The following MTMR12 variants were observed in gnomAD, a reference collection of about 807,000 sequenced individuals.
The protein encoded by MTMR12 is myotubularin-related protein 12.
MTMR12 carries 33 observed loss-of-function variants against 96.7 expected under a neutral mutation model. The ratio of observed to expected loss-of-function variants is 0.34; its 90% confidence interval spans 0.26 to 0.46. The LOEUF (loss-of-function observed/expected upper bound fraction) is 0.46. Ranked by LOEUF, MTMR12 falls within the 20% of genes least tolerant of loss-of-function variation. The pLI is 1.00. For synonymous variants in MTMR12, 298 were observed against 327.2 expected (o/e 0.91, Z 0.96); for missense variants, 721 against 896.1 (o/e 0.80, Z 2.49).
chr5:32,298,878 G>A (rs1751023288), intron 1 of MTMR12, among the ~76,000 whole-genome samples: 2 of 151,310 alleles, frequency 1.3e-5, no homozygotes, highest in South Asian at 2.1e-4. Flanking sequence ...GCACGAACCC[G>A]GGAGGCGGAG....
chr5:32,297,234 T>A (rs1019338012), intron 1 of MTMR12, among the ~76,000 whole-genome samples: 2 of 152,172 alleles, frequency 1.3e-5, no homozygotes, highest in Admixed American at 1.3e-4. Context: ...CCACAATCAA[T>A]TTTAGATCAT....
chr5:32,312,732 GC>G lies in MTMR12; in HGVS notation c.81+25del. The G allele has an allele frequency of 1.3e-6, 2 of 1,487,862 alleles. No homozygotes were observed. Among genetic ancestry groups the G allele is most frequent in the Non-Finnish European group, 1.8e-6 (2 of 1,120,588 alleles). 92.2% of individuals were successfully genotyped at this position (1,487,862 alleles called of 1,614,324 possible). On this transcript the variant is annotated intron_variant, in intron 1 of 15. Coordinates refer to ENST00000382142, the MANE Select transcript of MTMR12 (RefSeq NM_001040446.3). This position sits in a 1 kb window ranked among gnomAD's most constrained non-coding sequence, Gnocchi z 5.0. ...CTCGCCCCGGCCGCCCCTGCCCGAC[GC>G]CCCGCCTGCGCGGCGCCCCCTCACC... is the stretch of plus-strand genomic sequence containing the variant.
In MTMR12 at chr5:32,229,884, C is replaced by A; in HGVS notation, c.2138G>T (p.Arg713Leu). Residue 713 changes from arginine to leucine, a missense_variant, in exon 16 of 16, where the codon CGA (arginine) becomes CTA (leucine). By Grantham distance (102) the Arg-to-Leu change is moderately radical (BLOSUM62 -2). Transcript: ENST00000382142. ...SSLFPFALLQ[R>L]HSSKPVLPTS... The stretch of plus-strand genomic sequence containing the variant: ...GGGTAAGACGGGCTTAGAGGAATGT[C>A]GCTGGAGCAGAGCGAAAGGAAACAA... 1.2e-6 allele frequency: 2 copies of A among 1,612,708 alleles called. No individual in the cohort carries two copies. The highest frequency in any genetic ancestry group is 1.1e-5 in the South Asian group (1 of 90,852).
intron 7 of MTMR12, chr5:32,255,988 G>A: frequency 2.7e-6 from 1 of 367,288 alleles, no homozygotes; most frequent in Non-Finnish European, 5.0e-6. Flanking sequence ...GGCTCTGCCT[G>A]CAATTCTGTA....
At position 32,233,455 on chromosome 5, in the gene MTMR12, AACAC is replaced by A. The variant is rs71598927; in HGVS notation, c.1674+314_1674+317del. Among the ~76,000 whole-genome samples, 6 of 147,858 alleles carry A rather than the reference AACAC, an allele frequency of 4.1e-5. No homozygotes were observed. Among genetic ancestry groups the A allele is most frequent in the Non-Finnish European group, 7.4e-5 (5 of 67,240 alleles). On this transcript the variant is annotated intron_variant, in intron 15 of 15. Coordinates refer to ENST00000382142, the MANE Select transcript of MTMR12 (RefSeq NM_001040446.3). The surrounding 1 kb of genome is among the most constrained non-coding windows in gnomAD (Gnocchi z 5.0). ...CAATCAATGTTCCTTTTACTCTACT[AACAC>A]ACACACACACACAAACACACACACA...
rs986653305 is a variant in MTMR12, at chr5:32,312,252, C to A, written c.81+506G>T. Among the ~76,000 whole-genome samples the A allele has an allele frequency of 1.3e-5, 2 of 152,246 alleles. No homozygotes were observed. Among genetic ancestry groups the A allele is most frequent in the Non-Finnish European group, 2.9e-5 (2 of 68,050 alleles). Reference sequence around the variant, plus strand: ...CCAGGCCGACCCCCTTTTCTCCCCGCAGCGCTGACGGGAGGCGGACGTAGG... The same window carrying A: ...CCAGGCCGACCCCCTTTTCTCCCCGAAGCGCTGACGGGAGGCGGACGTAGG... On this transcript the variant is annotated intron_variant, in intron 1 of 15. Transcript: ENST00000382142. This position sits in a 1 kb window ranked among gnomAD's most constrained non-coding sequence, Gnocchi z 5.0.
chr5:32,270,722 C>T, intron 5 of MTMR12, 95 bp downstream of exon 5: 1 of 1,356,176 alleles, frequency 7.4e-7, no homozygotes, highest in Non-Finnish European at 1.0e-6. Flanking sequence ...AGAGTGAAAG[C>T]CTCCCCTCAA....
intron 6 of MTMR12, among the ~76,000 whole-genome samples, chr5:32,263,681 A>G (rs1581613396): frequency 6.6e-6 from 1 of 152,026 alleles, no homozygotes; most frequent in Non-Finnish European, 1.5e-5. Context: ...CAAGTGATCC[A>G]CCTGCCTCAG....
intron 1 of MTMR12, among the ~76,000 whole-genome samples, chr5:32,309,449 A>G (rs1056195722): frequency 6.6e-6 from 1 of 152,246 alleles, no homozygotes; most frequent in Non-Finnish European, 1.5e-5. Flanking sequence ...ATGAGAGAAA[A>G]TATTTACAAA....
chr5:32,239,389 T>TCTGG (rs1320259685), intron 12 of MTMR12, among the ~76,000 whole-genome samples: 1 of 152,264 alleles, frequency 6.6e-6, no homozygotes, highest in Non-Finnish European at 1.5e-5. Flanking sequence ...TAGTACAGGT[T>TCTGG]CTGGCATACG....
At chr5:32,245,645 T>C (rs952738954) in intron 10 of MTMR12, among the ~76,000 whole-genome samples, 27 of 152,066 alleles carry the variant, frequency 1.8e-4, no homozygotes, top group Non-Finnish European at 2.8e-4. Context: ...CTGGCCAACA[T>C]AGTGAAACCT....
At chr5:32,262,326 C>A (rs1561770254) in intron 7 of MTMR12, among the ~76,000 whole-genome samples, 3 of 152,128 alleles carry the variant, frequency 2.0e-5, no homozygotes, top group Admixed American at 6.5e-5. Flanking sequence ...CATGGCCAGG[C>A]ATGATGGCTC....
chr5:32,261,068 A>C (rs1400573347), intron 7 of MTMR12, among the ~76,000 whole-genome samples: 2 of 151,394 alleles, frequency 1.3e-5, no homozygotes, highest in Non-Finnish European at 2.9e-5. Flanking sequence ...CCCCATCTCT[A>C]CTAAAAATAC....
intron 1 of MTMR12, among the ~76,000 whole-genome samples, chr5:32,285,166 T>C (rs374263272): frequency 6.6e-6 from 1 of 152,134 alleles, no homozygotes; most frequent in African/African-American, 2.4e-5. Flanking sequence ...GAGACCAGCC[T>C]GGCCAACATG....
At chr5:32,311,810 G>A (rs1751609152) in intron 1 of MTMR12, among the ~76,000 whole-genome samples, 1 of 152,150 alleles carries the variant, frequency 6.6e-6, no homozygotes, top group Admixed American at 6.5e-5. Flanking sequence ...CCCGGGGGCT[G>A]TTCCCTCTAC....
At chr5:32,253,838 G>C (rs1329119932) in intron 8 of MTMR12, among the ~76,000 whole-genome samples, 1 of 152,218 alleles carries the variant, frequency 6.6e-6, no homozygotes, top group Admixed American at 6.5e-5. Flanking sequence ...CGCCCAGGCT[G>C]ATCTCAAACT....
chr5:32,311,385 A>G (rs946588124), intron 1 of MTMR12, among the ~76,000 whole-genome samples: 2 of 152,202 alleles, frequency 1.3e-5, no homozygotes, highest in Non-Finnish European at 2.9e-5. Flanking sequence ...GACCCATTTT[A>G]AGAGCACTTT....
chr5:32,295,577 T>G (rs896008796), intron 1 of MTMR12, among the ~76,000 whole-genome samples: 2 of 152,198 alleles, frequency 1.3e-5, no homozygotes, highest in African/African-American at 4.8e-5. Context: ...AACAGAGCAT[T>G]TCAGACTACG....
chr5:32,244,012 G>T (rs1390055952), intron 10 of MTMR12, among the ~76,000 whole-genome samples: 1 of 152,144 alleles, frequency 6.6e-6, no homozygotes, highest in Non-Finnish European at 1.5e-5. Context: ...ACTTTCATTA[G>T]AATCTCAATG....
Sources: allele counts gnomAD v4.1 joint callset (sites outside exome capture counted in the v4.1 genomes callset), GRCh38; gene constraint gnomAD v4.1.1; non-coding constraint Gnocchi (gnomAD v3.1); transcripts MANE v1.5; gene names NCBI Gene and HGNC (gene_info 2026-07-23, HGNC 2026-07-21).